C10orf90: variants seen among roughly 807,000 people sequenced by gnomAD.
C10orf90 encodes (E2-independent) E3 ubiquitin-conjugating enzyme FATS.
C10orf90 carries 56 observed loss-of-function variants against 62.5 expected under a neutral mutation model. The ratio of observed to expected loss-of-function variants is 0.90; its 90% CI spans 0.72 to 1.12. The LOEUF (loss-of-function observed/expected upper bound fraction) is 1.12. Ranked by LOEUF, C10orf90 falls within the 50% of genes most tolerant of loss-of-function variation. The probability of loss-of-function intolerance (pLI) is 0.00; values close to 1 mark genes in which losing one functional copy is unlikely to be tolerated. For synonymous variants in C10orf90, 386 were observed against 340.4 expected (o/e 1.13, Z -1.47); for missense variants, 970 against 880.4 (o/e 1.10, Z -1.29).
chr10:126,436,117 T>C (rs948408963), intron 7 of C10orf90, among the ~76,000 whole-genome samples: 6 of 152,160 alleles, frequency 3.9e-5, no homozygotes, highest in African/African-American at 1.4e-4. Context: ...CAGCTCTACC[T>C]GTGCAAATTC....
intron 4 of C10orf90, among the ~76,000 whole-genome samples, chr10:126,488,026 A>G (rs1301120464): frequency 1.3e-5 from 2 of 152,136 alleles, no homozygotes; most frequent in Non-Finnish European, 2.9e-5. Context: ...AATAAAGAGT[A>G]TAACTCCCAA....
intron 2 of C10orf90, among the ~76,000 whole-genome samples, chr10:126,621,127 A>G (rs1845635776): frequency 6.6e-6 from 1 of 152,248 alleles, no homozygotes; most frequent in African/African-American, 2.4e-5. Context: ...ACTGCTATGA[A>G]CATCTTCAAG....
At chr10:126,507,575 CG>C (rs1564843275) in intron 3 of C10orf90, among the ~76,000 whole-genome samples, 1 of 151,554 alleles carries the variant, frequency 6.6e-6, no homozygotes, top group African/African-American at 2.4e-5. Context: ...TTTAGCCCAG[CG>C]GCTACCTCAC....
chr10:126,506,351 G>C (rs953841376), intron 3 of C10orf90, among the ~76,000 whole-genome samples: 3 of 152,226 alleles, frequency 2.0e-5, no homozygotes, highest in Non-Finnish European at 4.4e-5. Flanking sequence ...AGGCTAACAG[G>C]GTCCTGGCCC....
chr10:126,612,423 T>C (rs1048252802), intron 2 of C10orf90, among the ~76,000 whole-genome samples: 32 of 152,100 alleles, frequency 2.1e-4, no homozygotes, highest in African/African-American at 6.8e-4. Flanking sequence ...GAAAGTTCTA[T>C]TGGATGGCAT....
intron 1 of C10orf90, among the ~76,000 whole-genome samples, chr10:126,667,651 A>G (rs1411029684): frequency 6.6e-6 from 1 of 152,130 alleles, no homozygotes; most frequent in Non-Finnish European, 1.5e-5. Context: ...ACTGAATTCT[A>G]TGAGGTTTCC....
chr10:126,470,530 G>A (rs1860526412), intron 4 of C10orf90, among the ~76,000 whole-genome samples: 1 of 152,096 alleles, frequency 6.6e-6, no homozygotes, highest in Non-Finnish European at 1.5e-5. Context: ...AGGAGTTCAA[G>A]CCCAGCCTGG....
intron 2 of C10orf90, among the ~76,000 whole-genome samples, chr10:126,519,452 CT>C (rs1863623865): frequency 6.6e-6 from 1 of 152,114 alleles, no homozygotes; most frequent in African/African-American, 2.4e-5. Flanking sequence ...GCCCAGAGGC[CT>C]TCAGTCTGTT....
intron 2 of C10orf90, among the ~76,000 whole-genome samples, chr10:126,530,979 G>A (rs1199046543): frequency 6.6e-6 from 1 of 152,068 alleles, no homozygotes; most frequent in Admixed American, 6.5e-5. Flanking sequence ...TTCAAGACCA[G>A]CCTGGCCAAC....
chr10:126,497,048 C>A (rs913397612), intron 4 of C10orf90, among the ~76,000 whole-genome samples: 2 of 152,188 alleles, frequency 1.3e-5, no homozygotes, highest in African/African-American at 4.8e-5. Flanking sequence ...CATCGCAGAA[C>A]CAGAGAAGAG....
At chr10:126,585,382 AGAAAG>A (rs1409667346) in intron 2 of C10orf90, among the ~76,000 whole-genome samples, 2 of 150,620 alleles carry the variant, frequency 1.3e-5, no homozygotes, top group African/African-American at 4.9e-5. Flanking sequence ...AAGGAAGAAA[AGAAAG>A]GAAAGAAGGA....
At chr10:126,490,028 A>ATATT (rs1244004945) in intron 4 of C10orf90, among the ~76,000 whole-genome samples, 2 of 102,592 alleles carry the variant, frequency 1.9e-5, no homozygotes, top group African/African-American at 9.8e-5. Context: ...TATAATATAT[A>ATATT]ATATATAATA....
chr10:126,472,260 C>T (rs897139930), intron 4 of C10orf90, among the ~76,000 whole-genome samples: 5 of 152,038 alleles, frequency 3.3e-5, no homozygotes, highest in Non-Finnish European at 7.4e-5. Flanking sequence ...AGTATAAAAG[C>T]AATAAATGAT....
Position 126,565,343 on chromosome 10 carries a change from A to T in C10orf90, c.314-51404T>A, listed in dbSNP as rs1211198969. ...ATATTATATATTTATATTATATATA[A>T]TATATAATATATAATATATATTATT... On this transcript the variant is annotated intron_variant, in intron 2 of 9. Coordinates refer to ENST00000488181, the MANE Select transcript of C10orf90 (RefSeq NM_001350921.2). Among the ~76,000 whole-genome samples, 10 of 20,776 alleles carry T rather than the reference A, an allele frequency of 4.8e-4. 1 individual carries two copies. Among genetic ancestry groups the T allele is most frequent in the East Asian group, 2.1e-3 (2 of 954 alleles). The allele number at this position is 20,776 out of a possible 152,430, so 13.6% of individuals were successfully genotyped here.
intron 2 of C10orf90, among the ~76,000 whole-genome samples, chr10:126,620,329 G>A (rs1045954199): frequency 6.6e-6 from 1 of 152,116 alleles, no homozygotes; most frequent in Non-Finnish European, 1.5e-5. Flanking sequence ...CTGCGTCATT[G>A]CTGTGGCCCC....
At chr10:126,652,838 T>C (rs1040291056) in intron 1 of C10orf90, among the ~76,000 whole-genome samples, 1 of 152,366 alleles carries the variant, frequency 6.6e-6, no homozygotes, top group Admixed American at 6.5e-5. Context: ...TGTTCTATTA[T>C]GTTTCTTATC....
At chr10:126,572,742 A>T (rs1270085197) in intron 2 of C10orf90, among the ~76,000 whole-genome samples, 1 of 152,106 alleles carries the variant, frequency 6.6e-6, no homozygotes, top group East Asian at 1.9e-4. Flanking sequence ...GGAATGCAGC[A>T]CTGTAAGTTT....
chr10:126,540,654 G>A (rs1180070424), intron 2 of C10orf90, among the ~76,000 whole-genome samples: 1 of 131,714 alleles, frequency 7.6e-6, no homozygotes, highest in Non-Finnish European at 1.6e-5. Flanking sequence ...GTGACAAAGT[G>A]AGACCTTGTC....
chr10:126,611,132 C>A (rs1845423998), intron 2 of C10orf90, among the ~76,000 whole-genome samples: 1 of 152,132 alleles, frequency 6.6e-6, no homozygotes, highest in African/African-American at 2.4e-5. Context: ...TACCCAATGG[C>A]AGCCACTCCC....
Sources: allele counts gnomAD v4.1 joint callset (sites outside exome capture counted in the v4.1 genomes callset), GRCh38; gene constraint gnomAD v4.1.1; transcripts MANE v1.5; gene names NCBI Gene and HGNC (gene_info 2026-07-23, HGNC 2026-07-21).